The following PGLYRP3 variants were observed in gnomAD, a reference collection of about 807,000 sequenced individuals.
PGLYRP3 encodes the protein peptidoglycan recognition protein 3.
A neutral mutation model predicts 36.0 loss-of-function variants in PGLYRP3; 39 were observed. That is an observed-to-expected ratio of 1.08 (90% confidence interval 0.84 to 1.41). The LOEUF (loss-of-function observed/expected upper bound fraction) is 1.41. Ranked by LOEUF, PGLYRP3 falls within the 40% of genes most tolerant of loss-of-function variation. The pLI is 0.00. For synonymous variants in PGLYRP3, 204 were observed against 172.8 expected (o/e 1.18, Z -1.42); for missense variants, 407 against 427.9 (o/e 0.95, Z 0.43).
At chr1:153,303,464 A>G (rs779608396) in intron 5 of PGLYRP3, among the ~76,000 whole-genome samples, 4 of 152,184 alleles carry the variant, frequency 2.6e-5, no homozygotes, top group Non-Finnish European at 1.5e-5. Context: ...GTCTAACATC[A>G]TATACATTTC....
chr1:153,307,894 A>T (rs552663010), intron 2 of PGLYRP3, among the ~76,000 whole-genome samples: 1 of 151,842 alleles, frequency 6.6e-6, no homozygotes, highest in South Asian at 2.1e-4. Context: ...CATTCTCATC[A>T]TGGGAGCCCC....
chr1:153,300,091 C>G (rs1337363410), intron 6 of PGLYRP3, among the ~76,000 whole-genome samples: 1 of 152,148 alleles, frequency 6.6e-6, no homozygotes, highest in Non-Finnish European at 1.5e-5. Context: ...GTCAGTCTCT[C>G]TGAGTCTGCT....
chr1:153,303,763 A>T (rs1659660616), intron 5 of PGLYRP3, 94 bp downstream of exon 5: 1 of 1,405,476 alleles, frequency 7.1e-7, no homozygotes, highest in Non-Finnish European at 9.6e-7. Context: ...CCAGAATCCC[A>T]TGGGGTCTAA....
chr1:153,301,303 C>A (rs1205300913), intron 6 of PGLYRP3, among the ~76,000 whole-genome samples: 3 of 152,134 alleles, frequency 2.0e-5, no homozygotes, highest in Admixed American at 6.5e-5. Context: ...TAGTAGCTAT[C>A]CAATAACTAT....
rs55991125 is a variant in PGLYRP3, at chr1:153,307,220, C to T, written c.103G>A (p.Ala35Thr). Residue 35 changes from alanine (A) to threonine (T), a missense_variant, in exon 3 of 8, where the codon GCC (alanine) becomes ACC (threonine). Transcript: ENST00000683862. The stretch of plus-strand genomic sequence containing the variant: ...GGCAGGGTCAGCAGGGCCCTGCAGG[C>T]GAGCGGTCTTGCCCCCCACTCCTTG... ...SRKEWGARPL[A>T]CRALLTLPVA... 0.05 allele frequency: 80,910 copies of T among 1,610,600 alleles called. 2,344 individuals are homozygous for T. Among genetic ancestry groups the T allele is most frequent in the Middle Eastern group, 0.096 (568 of 5,908 alleles).
At position 153,298,029 on chromosome 1, in the gene PGLYRP3, T is replaced by A; in HGVS notation, c.953A>T (p.Asp318Val). The change falls in exon 8 of 8, where the codon GAC becomes GTC. Residue 318 changes from aspartate (D) to valine (V), a missense_variant. Physicochemically the swap from Asp to Val is radical, Grantham distance 152. Transcript: ENST00000683862. ...TPNYLLMGHS[D>V]VVNILSPGQA... ...CCCAGGGGACAGGATGTTGACCACG[T>A]CACTGTGGCCCATCAGCAGGTAGTT... 6.2e-7 allele frequency: 1 copy of A among 1,614,028 alleles called. No homozygotes were observed. The highest frequency in any genetic ancestry group is 8.5e-7 in the Non-Finnish European group (1 of 1,179,998).
intron 7 of PGLYRP3, among the ~76,000 whole-genome samples, chr1:153,298,504 A>C (rs1659500450): frequency 6.6e-6 from 1 of 151,938 alleles, no homozygotes; most frequent in Admixed American, 6.5e-5. Context: ...AATACAAAAA[A>C]ATTAGCCGGG....
At chr1:153,307,375 A>G (rs2101523631) in intron 2 of PGLYRP3, 108 bp from the exon 3 acceptor site, 1 of 1,055,238 alleles carries the variant, frequency 9.5e-7, no homozygotes, top group Non-Finnish European at 1.4e-6. Context: ...TGCCCCATGC[A>G]TGGGAGACAC....
Position 153,297,476 on chromosome 1 carries a change from GT to G in PGLYRP3, c.*479del. On this transcript the variant is annotated 3_prime_UTR_variant, in exon 8 of 8. Coordinates refer to ENST00000683862, the MANE Select transcript of PGLYRP3 (RefSeq NM_052891.3). ...GGAGAGAGAGAGAGAGAGAGAGAGAGTGAGAAAGCAAGAAAGAAGGTGAAAG... is the reference window on the plus strand; with the variant it reads ...GGAGAGAGAGAGAGAGAGAGAGAGAGGAGAAAGCAAGAAAGAAGGTGAAAG... Among the ~76,000 whole-genome samples the G allele has an allele frequency of 1.2e-4, 15 of 122,016 alleles. No homozygotes were observed. The highest frequency in any genetic ancestry group is 2.3e-4 in the African/African-American group (7 of 31,056). The allele number at this position is 122,016 out of a possible 152,430, so 80.0% of individuals were successfully genotyped here.
Position 153,297,760 on chromosome 1 carries a change from G to A in PGLYRP3, c.*196C>T, listed in dbSNP as rs1659475232. The stretch of plus-strand genomic sequence containing the variant: ...GAGGGGAAGTCTAAACTCAGACCAA[G>A]AGGGCTGTGAATGCCCAGCTGTGAG... On this transcript the variant is annotated 3_prime_UTR_variant, in exon 8 of 8. Transcript: ENST00000683862. The A allele has an allele frequency of 1.7e-6, 1 of 583,866 alleles. No homozygotes were observed. Among genetic ancestry groups the A allele is most frequent in the East Asian group, 3.0e-5 (1 of 33,720 alleles). 36.2% of individuals were successfully genotyped at this position (583,866 alleles called of 1,614,324 possible).
chr1:153,297,295 G>C lies in PGLYRP3; in HGVS notation c.*661C>G, dbSNP rs1659448569. Among the ~76,000 whole-genome samples the C allele has an allele frequency of 6.6e-6, 1 of 151,136 alleles. No homozygotes were observed. Among genetic ancestry groups the C allele is most frequent in the Non-Finnish European group, 1.5e-5 (1 of 67,874 alleles). On this transcript the variant is annotated 3_prime_UTR_variant, in exon 8 of 8. Coordinates refer to ENST00000683862, the MANE Select transcript of PGLYRP3 (RefSeq NM_052891.3). Reference sequence around the variant, plus strand: ...TAAATCATATCTATAAATAATTACAGCCCTTAAGTAAGGGCTGCATCCAAA... The same window carrying C: ...TAAATCATATCTATAAATAATTACACCCCTTAAGTAAGGGCTGCATCCAAA...
intron 7 of PGLYRP3, among the ~76,000 whole-genome samples, chr1:153,298,857 G>A (rs909098871): frequency 1.3e-5 from 2 of 152,268 alleles, no homozygotes; most frequent in Middle Eastern, 3.4e-3. Context: ...TGCAAAAGAC[G>A]TTTCCCCCCT....
rs1048086049 is a variant in PGLYRP3 at position 153,302,723 on chromosome 1, G to T, written c.530-116C>A. 4.5e-5 allele frequency: 42 copies of T among 927,594 alleles called. No homozygotes were observed. In the Admixed American group the frequency reaches 8.8e-4, roughly 19 times the overall value. The allele number at this position is 927,594 out of a possible 1,614,324, so 57.5% of individuals were successfully genotyped here. A position where few individuals can be genotyped will look rare whatever the true frequency, so the allele number is the denominator to read the frequency against. On this transcript the variant is annotated intron_variant, in intron 5 of 7. Transcript: ENST00000683862. ...TCTCCCAGGCCTCCAGCACCCACGG[G>T]CACATCCTAATGTAATATCAGCTTT...
intron 5 of PGLYRP3, among the ~76,000 whole-genome samples, 184 bp from the exon 6 acceptor site, chr1:153,302,791 G>C (rs1182223688): frequency 6.6e-6 from 1 of 152,210 alleles, no homozygotes; most frequent in East Asian, 1.9e-4. Flanking sequence ...TGATTCAGAT[G>C]GCTGGAGCCA....
chr1:153,305,644 A>G (rs1207991158), intron 3 of PGLYRP3, among the ~76,000 whole-genome samples: 1 of 152,158 alleles, frequency 6.6e-6, no homozygotes, highest in Non-Finnish European at 1.5e-5. Context: ...AGTCTTCAGA[A>G]TTGATGTTTT....
chr1:153,305,108 A>C, intron 3 of PGLYRP3, 43 bp from the exon 4 acceptor site: 4 of 1,523,924 alleles, frequency 2.6e-6, no homozygotes, highest in Non-Finnish European at 3.6e-6. Flanking sequence ...ATCTCCATAA[A>C]TGAAAACCTC....
At chr1:153,310,469 C>T in intron 2 of PGLYRP3, 142 bp downstream of exon 2, 1 of 829,812 alleles carries the variant, frequency 1.2e-6, no homozygotes, top group Non-Finnish European at 2.0e-6. Context: ...AATCTGTAAA[C>T]TCTAGAACAG....
At chr1:153,309,190 G>A (rs1340029874) in intron 2 of PGLYRP3, among the ~76,000 whole-genome samples, 1 of 152,180 alleles carries the variant, frequency 6.6e-6, no homozygotes, top group African/African-American at 2.4e-5. Context: ...AATGGCAGCA[G>A]TGACATTGTT....
chr1:153,299,287 C>T (rs1659529136), intron 6 of PGLYRP3, 56 bp from the exon 7 acceptor site: 12 of 1,236,200 alleles, frequency 9.7e-6, no homozygotes, highest in East Asian at 2.4e-5. Context: ...AATTTAAATA[C>T]TTCATTCACT....
Sources: gnomAD v4.1 joint callset for allele counts (sites outside exome capture counted in the v4.1 genomes callset) on GRCh38, gnomAD v4.1.1 for gene constraint, MANE v1.5 for transcripts, NCBI Gene and HGNC (gene_info 2026-07-23, HGNC 2026-07-21) for gene names.